The following SESN1 variants were observed in gnomAD, a reference collection of about 807,000 sequenced individuals.
The protein encoded by SESN1 is sestrin 1.
SESN1 carries 30 observed loss-of-function variants against 59.3 expected under a neutral mutation model. That is an observed-to-expected ratio of 0.51 (90% CI 0.38 to 0.69). SESN1 has a LOEUF of 0.69. Ranked by LOEUF, SESN1 falls within the 30% of genes least tolerant of loss-of-function variation. The probability of loss-of-function intolerance (pLI) is 0.00; values close to 1 mark genes in which losing one functional copy is unlikely to be tolerated. For missense variants in SESN1, 566 were observed against 673.0 expected (o/e 0.84, Z 1.76); for synonymous variants, 197 against 219.9 (o/e 0.90, Z 0.92).
chr6:108,988,514 AAAGT>A (rs1779263877), intron 9 of SESN1, 25 bp downstream of exon 9: 1 of 1,573,438 alleles, frequency 6.4e-7, no homozygotes, highest in East Asian at 2.3e-5. Flanking sequence ...GCTAAGTTAC[AAAGT>A]AAATAAGCCA....
chr6:109,078,418 TTA>T (rs2114473069), intron 1 of SESN1, among the ~76,000 whole-genome samples: 1 of 152,196 alleles, frequency 6.6e-6, no homozygotes, highest in African/African-American at 2.4e-5. Context: ...TAATAATCCT[TTA>T]TGTCTATAAT....
chr6:109,072,481 T>A (rs1345982365), intron 1 of SESN1, among the ~76,000 whole-genome samples: 1 of 152,222 alleles, frequency 6.6e-6, no homozygotes, highest in Non-Finnish European at 1.5e-5. Flanking sequence ...GTAAATTTGT[T>A]CCTTCTGCCC....
In SESN1 at chr6:109,015,402, T is replaced by TA. The variant is rs531382710; in HGVS notation, c.280-13060dup. Reference sequence around the variant, plus strand: ...TCACTTGTTAAGTCAGGCATGTACTTACAAGTCAGACACTGCCTGTGTCTG... The same window carrying TA: ...TCACTTGTTAAGTCAGGCATGTACTTAACAAGTCAGACACTGCCTGTGTCTG... On this transcript the variant is annotated intron_variant, in intron 1 of 9. Transcript: ENST00000436639. 2.2e-3 allele frequency among the ~76,000 whole-genome samples: 331 copies of TA among 152,284 alleles called. 3 individuals are homozygous for TA. The highest frequency in any genetic ancestry group is 7.8e-3 in the African/African-American group (325 of 41,540).
In SESN1 at chr6:109,000,669, G is replaced by T; in HGVS notation, c.551C>A (p.Ala184Glu). The T allele has an allele frequency of 3.2e-6, 5 of 1,566,854 alleles. No homozygotes were observed. Among genetic ancestry groups the T allele is most frequent in the Non-Finnish European group, 2.6e-6 (3 of 1,156,686 alleles). ...HYRHYIGIMA[A>E]ARHQCSYLVN... ...TAAGTAGGAGCACTGATGTCTTGCC[G>T]CAGCCTTAAAACAAAAAGATTATTC... Residue 184 changes from alanine (A) to glutamate (E), a missense_variant, in exon 4 of 10, where the codon GCG (alanine) becomes GAG (glutamate). By Grantham distance (107) the Ala-to-Glu change is moderately radical (BLOSUM62 -1). Transcript: ENST00000436639.
At position 109,094,025 on chromosome 6, in the gene SESN1, C is replaced by G; in HGVS notation, c.49G>C (p.Asp17His). The G allele has an allele frequency of 1.2e-6, 2 of 1,614,184 alleles. No homozygotes were observed. The highest frequency in any genetic ancestry group is 1.6e-4 in the Middle Eastern group (1 of 6,062). Residue 17 changes from aspartate (D) to histidine (H), a missense_variant, in exon 1 of 10, where the codon GAT becomes CAT. Coordinates refer to ENST00000436639, the MANE Select transcript of SESN1 (RefSeq NM_014454.3). ...AATGCTGTCTCCCTAGTAGTTGAAT[C>G]TCTGCTGCAGAGTCCATCCCATCTC... ...EVRWDGLCSR[D>H]STTRETALEN...
chr6:109,091,091 G>GA (rs1194265005), intron 1 of SESN1, among the ~76,000 whole-genome samples: 2 of 152,048 alleles, frequency 1.3e-5, no homozygotes, highest in Non-Finnish European at 2.9e-5. Flanking sequence ...AACTTCTATT[G>GA]AAAAAATAAT....
Position 109,092,878 on chromosome 6 carries a change from A to G in SESN1, c.279+917T>C, listed in dbSNP as rs1427513718. On this transcript the variant is annotated intron_variant, in intron 1 of 9. Coordinates refer to ENST00000436639, the MANE Select transcript of SESN1 (RefSeq NM_014454.3). ...GGATATTATTTTTCTGTTGCTTTAAACTAAATTCAAGCCAGTATATAAAAA... is the reference window on the plus strand; with the variant it reads ...GGATATTATTTTTCTGTTGCTTTAAGCTAAATTCAAGCCAGTATATAAAAA... Among the ~76,000 whole-genome samples the G allele has an allele frequency of 5.9e-5, 9 of 152,306 alleles. No individual in the cohort carries two copies. The East Asian group carries it at 1.7e-3, about 29-fold the overall frequency.
intron 1 of SESN1, chr6:109,090,650 T>C: frequency 6.6e-6 from 1 of 152,212 alleles, no homozygotes; most frequent in Admixed American, 6.6e-5. Context: ...CGGTCTTCAC[T>C]TTGAGTACAC....
chr6:109,060,672 GCTCGATTCTA>G (rs1780716961), intron 1 of SESN1, among the ~76,000 whole-genome samples: 1 of 152,198 alleles, frequency 6.6e-6, no homozygotes. Flanking sequence ...TCTGTAGGAT[GCTCGATTCTA>G]CTTTAACTAC....
intron 1 of SESN1, among the ~76,000 whole-genome samples, chr6:109,030,445 A>G (rs1327769151): frequency 6.6e-6 from 1 of 152,190 alleles, no homozygotes; most frequent in Non-Finnish European, 1.5e-5. Context: ...ACAGTAGAAG[A>G]TTTATCCAAT....
chr6:109,034,210 T>G (rs1344591172), intron 1 of SESN1, among the ~76,000 whole-genome samples: 1 of 152,242 alleles, frequency 6.6e-6, no homozygotes, highest in African/African-American at 2.4e-5. Context: ...CCCATGACTT[T>G]ACTCCTCCTC....
intron 1 of SESN1, among the ~76,000 whole-genome samples, chr6:109,033,880 C>G (rs1780218157): frequency 6.6e-6 from 1 of 152,180 alleles, no homozygotes; most frequent in South Asian, 2.1e-4. Flanking sequence ...GATAAGATGA[C>G]AATCAGATGG....
chr6:109,026,166 T>C (rs1165866400), intron 1 of SESN1, among the ~76,000 whole-genome samples: 3 of 152,166 alleles, frequency 2.0e-5, no homozygotes, highest in African/African-American at 7.2e-5. Flanking sequence ...AATATCATTG[T>C]TGAACTGTAT....
At chr6:108,988,308 C>G in intron 9 of SESN1, 1 of 372,826 alleles carries the variant, frequency 2.7e-6, no homozygotes, top group South Asian at 7.1e-5. Flanking sequence ...GTGCTGACAG[C>G]CATGCCAGCA....
intron 1 of SESN1, among the ~76,000 whole-genome samples, chr6:109,069,129 C>T (rs1407223084): frequency 6.6e-6 from 1 of 151,860 alleles, no homozygotes; most frequent in Non-Finnish European, 1.5e-5. Context: ...TTGTAACTTT[C>T]AAGAGGTTGA....
At chr6:109,076,430 A>T (rs565111410) in intron 1 of SESN1, among the ~76,000 whole-genome samples, 5 of 152,352 alleles carry the variant, frequency 3.3e-5, no homozygotes, top group African/African-American at 1.2e-4. Flanking sequence ...AAATTTTACA[A>T]CTTCTTTTGG....
At chr6:109,041,346 A>C (rs562290647) in intron 1 of SESN1, among the ~76,000 whole-genome samples, 8 of 152,220 alleles carry the variant, frequency 5.3e-5, no homozygotes, top group South Asian at 4.1e-4. Flanking sequence ...ATAAAATTGC[A>C]ACATAAAAAT....
At chr6:109,004,410 A>G (rs1162897966) in intron 1 of SESN1, among the ~76,000 whole-genome samples, 1 of 151,820 alleles carries the variant, frequency 6.6e-6, no homozygotes, top group African/African-American at 2.4e-5. Context: ...AAAGATTACT[A>G]TAAATCAATA....
intron 1 of SESN1, among the ~76,000 whole-genome samples, chr6:109,023,261 C>A (rs1053860693): frequency 6.6e-6 from 1 of 152,206 alleles, no homozygotes; most frequent in Non-Finnish European, 1.5e-5. Context: ...TTCTCCCTGA[C>A]ACTTGAAAAC....
Sources: gnomAD v4.1 joint callset for allele counts (sites outside exome capture counted in the v4.1 genomes callset) on GRCh38, gnomAD v4.1.1 for gene constraint, MANE v1.5 for transcripts, NCBI Gene and HGNC (gene_info 2026-07-23, HGNC 2026-07-21) for gene names.